GPR39: variants seen among roughly 807,000 people sequenced by gnomAD.
The protein encoded by GPR39 is zinc sensing receptor.
Under a neutral mutation model 18.4 loss-of-function variants are expected in GPR39, and 23 were observed. The ratio of observed to expected loss-of-function variants is 1.25; its 90% CI spans 0.90 to 1.77. The LOEUF is 1.77. Ranked by LOEUF, GPR39 falls within the 40% of genes most tolerant of loss-of-function variation. The pLI is 0.00. For synonymous variants in GPR39, 280 were observed against 257.9 expected (o/e 1.09, Z -0.82); for missense variants, 647 against 602.4 (o/e 1.07, Z -0.78).
intron 1 of GPR39, among the ~76,000 whole-genome samples, chr2:132,455,436 C>G (rs1257813099): frequency 6.6e-6 from 1 of 152,160 alleles, no homozygotes; most frequent in Non-Finnish European, 1.5e-5. Context: ...ACACCAGCTC[C>G]TGGAGTCATT....
intron 1 of GPR39, among the ~76,000 whole-genome samples, chr2:132,526,284 A>T (rs1679506996): frequency 6.6e-6 from 1 of 152,110 alleles, no homozygotes; most frequent in Non-Finnish European, 1.5e-5. Context: ...CAGATATTTG[A>T]CCCCAAAAGT....
At chr2:132,597,255 C>A (rs1680964964) in intron 1 of GPR39, among the ~76,000 whole-genome samples, 1 of 152,234 alleles carries the variant, frequency 6.6e-6, no homozygotes, top group Non-Finnish European at 1.5e-5. Flanking sequence ...CTGATCCAGG[C>A]AGCTCTGCTT....
chr2:132,637,584 T>G (rs1006999566), intron 1 of GPR39, among the ~76,000 whole-genome samples: 1 of 152,206 alleles, frequency 6.6e-6, no homozygotes, highest in Non-Finnish European at 1.5e-5. Context: ...AAGAAATTCC[T>G]CAGTAGGAAA....
intron 1 of GPR39, among the ~76,000 whole-genome samples, chr2:132,641,175 G>A (rs963290713): frequency 1.6e-4 from 25 of 152,320 alleles, no homozygotes; most frequent in African/African-American, 6.0e-4. Flanking sequence ...AGTTTAGAAT[G>A]AGAAATGCAA....
intron 1 of GPR39, among the ~76,000 whole-genome samples, chr2:132,435,664 A>T (rs548536891): frequency 2.7e-4 from 41 of 152,274 alleles, no homozygotes; most frequent in African/African-American, 9.4e-4. Flanking sequence ...TACAGAAAGA[A>T]TTTTGGTTGA....
chr2:132,632,231 T>C (rs1681663143), intron 1 of GPR39, among the ~76,000 whole-genome samples: 1 of 152,072 alleles, frequency 6.6e-6, no homozygotes, highest in Non-Finnish European at 1.5e-5. Flanking sequence ...AAGCAGACAT[T>C]CTGCAGGAGT....
At chr2:132,631,203 A>G (rs1045149517) in intron 1 of GPR39, among the ~76,000 whole-genome samples, 1 of 152,226 alleles carries the variant, frequency 6.6e-6, no homozygotes, top group African/African-American at 2.4e-5. Flanking sequence ...AAATTAAAGC[A>G]GGATGTTCTC....
intron 1 of GPR39, among the ~76,000 whole-genome samples, chr2:132,451,032 T>A (rs1199736481): frequency 2.6e-5 from 4 of 152,182 alleles, no homozygotes; most frequent in Admixed American, 6.5e-5. Flanking sequence ...GGGATCAACC[T>A]GCCCCAGGTG....
At position 132,583,357 on chromosome 2, in the gene GPR39, C is replaced by T. The variant is rs185701016; in HGVS notation, c.857-61744C>T. On this transcript the variant is annotated intron_variant, in intron 1 of 1. Transcript: ENST00000329321. ...GCAAACACTCCTTCCTAAGTGAGAT[C>T]CCCCCAACAAATACACATATCCCTC... 8.3e-3 allele frequency among the ~76,000 whole-genome samples: 1,243 copies of T among 149,956 alleles called. 12 individuals carry two copies. Among genetic ancestry groups the T allele is most frequent in the Middle Eastern group, 0.017 (5 of 286 alleles).
At chr2:132,561,110 G>C (rs1436993489) in intron 1 of GPR39, among the ~76,000 whole-genome samples, 1 of 151,698 alleles carries the variant, frequency 6.6e-6, no homozygotes, top group African/African-American at 2.4e-5. Flanking sequence ...AGTAGAGAAG[G>C]GGTTTCACCA....
chr2:132,434,685 C>T (rs1680281158), intron 1 of GPR39, among the ~76,000 whole-genome samples: 1 of 152,122 alleles, frequency 6.6e-6, no homozygotes, highest in Non-Finnish European at 1.5e-5. Flanking sequence ...ATTGAAGATG[C>T]CATCATTGTT....
chr2:132,607,222 A>G (rs1438323508), intron 1 of GPR39, among the ~76,000 whole-genome samples: 1 of 152,174 alleles, frequency 6.6e-6, no homozygotes, highest in African/African-American at 2.4e-5. Flanking sequence ...AAAATTTACA[A>G]GATATTTGGT....
intron 1 of GPR39, among the ~76,000 whole-genome samples, chr2:132,505,417 C>T (rs1199285615): frequency 6.6e-6 from 1 of 152,202 alleles, no homozygotes; most frequent in African/African-American, 2.4e-5. Flanking sequence ...CAAATTCTCT[C>T]TTCTAGCTAT....
intron 1 of GPR39, among the ~76,000 whole-genome samples, chr2:132,479,508 G>A (rs940001553): frequency 6.6e-6 from 1 of 152,204 alleles, no homozygotes; most frequent in South Asian, 2.1e-4. Context: ...AATAGCTGGT[G>A]TGGTTATAAA....
At chr2:132,592,559 A>G (rs1484928758) in intron 1 of GPR39, among the ~76,000 whole-genome samples, 1 of 152,116 alleles carries the variant, frequency 6.6e-6, no homozygotes, top group East Asian at 1.9e-4. Flanking sequence ...AGCCATTGGG[A>G]GGGCTTGAGC....
At chr2:132,538,647 T>C (rs1679803819) in intron 1 of GPR39, among the ~76,000 whole-genome samples, 1 of 152,160 alleles carries the variant, frequency 6.6e-6, no homozygotes, top group African/African-American at 2.4e-5. Flanking sequence ...GATTAAGTCC[T>C]TTGAAGCTGT....
At chr2:132,457,364 C>G (rs116262937) in intron 1 of GPR39, among the ~76,000 whole-genome samples, 4,565 of 152,264 alleles carry the variant, frequency 0.03, 156 homozygotes, top group East Asian at 0.16. Context: ...ACTGTTTATT[C>G]GAGTTAACCA....
At chr2:132,471,333 G>A (rs1681027290) in intron 1 of GPR39, among the ~76,000 whole-genome samples, 1 of 152,140 alleles carries the variant, frequency 6.6e-6, no homozygotes, top group Non-Finnish European at 1.5e-5. Flanking sequence ...TAGTCCATGA[G>A]GATATAGACC....
intron 1 of GPR39, among the ~76,000 whole-genome samples, chr2:132,614,405 C>T (rs1681295662): frequency 6.6e-6 from 1 of 151,416 alleles, no homozygotes; most frequent in Admixed American, 6.6e-5. Context: ...CGTGGTTTCA[C>T]CATGTTGCTC....
Sources: allele counts gnomAD v4.1 joint callset (sites outside exome capture counted in the v4.1 genomes callset), GRCh38; gene constraint gnomAD v4.1.1; transcripts MANE v1.5; gene names NCBI Gene and HGNC (gene_info 2026-07-23, HGNC 2026-07-21).